NCOR1: variants seen among roughly 807,000 people sequenced by gnomAD.
The protein encoded by NCOR1 is protein phosphatase 1, regulatory subunit 109.
Under a neutral mutation model 288.1 loss-of-function variants are expected in NCOR1, and 63 were observed. The ratio of observed to expected loss-of-function variants is 0.22; its 90% confidence interval spans 0.18 to 0.27. NCOR1 has a LOEUF of 0.27. Among genes scored for constraint, NCOR1 ranks in the 10% least tolerant of loss-of-function variants. The pLI, the probability that NCOR1 is intolerant of heterozygous loss-of-function variation, is 1.00. For synonymous variants in NCOR1, 1,007 were observed against 1,065.9 expected (o/e 0.94, Z 1.08); for missense variants, 2,397 against 3,019.2 (o/e 0.79, Z 4.83).
At position 16,144,253 on chromosome 17, in the gene NCOR1, C is replaced by T. The variant is rs117704281; in HGVS notation, c.1083-557G>A. 7.6e-3 allele frequency among the ~76,000 whole-genome samples: 1,154 copies of T among 152,170 alleles called. 19 individuals carry two copies. The highest frequency in any genetic ancestry group is 0.05 in the East Asian group (257 of 5,188). The stretch of plus-strand genomic sequence containing the variant: ...GAATATAGTTTGAATATGTTGGTAA[C>T]GAAGGACTAAAGGATATTTAGGTCT... On this transcript the variant is annotated intron_variant, in intron 10 of 45. Coordinates refer to ENST00000268712, the MANE Select transcript of NCOR1 (RefSeq NM_006311.4).
At chr17:16,112,647 C>T (rs945458374) in intron 18 of NCOR1, among the ~76,000 whole-genome samples, 1 of 152,114 alleles carries the variant, frequency 6.6e-6, no homozygotes, top group African/African-American at 2.4e-5. Context: ...CACACCATCA[C>T]ACCCAGCTAA....
rs574796350 is a variant in NCOR1, at chr17:16,120,345, T to C, written c.1852+707A>G. Among the ~76,000 whole-genome samples, 4 of 152,222 alleles carry C rather than the reference T, an allele frequency of 2.6e-5. 1 individual carries two copies. In the South Asian group the frequency reaches 8.3e-4, roughly 32 times the overall value. On this transcript the variant is annotated intron_variant, in intron 16 of 45. Coordinates refer to ENST00000268712, the MANE Select transcript of NCOR1 (RefSeq NM_006311.4). ...TAAAAACCTCTGCAAGTTCCCCACT[T>C]CATAATCAAAGCAAAATACATTTCA...
rs1438772434 is a variant in NCOR1 at position 16,100,199 on chromosome 17, T to C, written c.2690+1051A>G. ...AAATTATAAGTGATTCAATGTCTTT[T>C]AAGGAAAAGGAAACACCAGGAAATA... On this transcript the variant is annotated intron_variant, in intron 20 of 45. Coordinates refer to ENST00000268712, the MANE Select transcript of NCOR1 (RefSeq NM_006311.4). Among the ~76,000 whole-genome samples, 4 of 152,296 alleles carry C rather than the reference T, an allele frequency of 2.6e-5. No individual in the cohort carries two copies. In the East Asian group the frequency reaches 7.7e-4, roughly 29 times the overall value.
chr17:16,208,206 ATTT>A (rs757019446), intron 1 of NCOR1, among the ~76,000 whole-genome samples: 16 of 65,524 alleles, frequency 2.4e-4, no homozygotes, highest in African/African-American at 9.8e-4. Context: ...ATGCCCAGCT[ATTT>A]TTTTTTTTTT....
intron 9 of NCOR1, among the ~76,000 whole-genome samples, chr17:16,148,645 A>G (rs2078357337): frequency 9.3e-6 from 1 of 107,728 alleles, no homozygotes; most frequent in Non-Finnish European, 1.8e-5. Flanking sequence ...TTCTTACTTG[A>G]TATTTATATG....
intron 5 of NCOR1, among the ~76,000 whole-genome samples, chr17:16,162,996 C>G (rs139553371): frequency 0.011 from 1,653 of 151,896 alleles, 35 homozygotes; most frequent in African/African-American, 0.037. Flanking sequence ...TCATATAAAA[C>G]CTAAACAAAT....
At chr17:16,044,168 C>CAAA (rs34691717) in intron 42 of NCOR1, among the ~76,000 whole-genome samples, 49 of 82,704 alleles carry the variant, frequency 5.9e-4, no homozygotes, top group South Asian at 1.0e-3. Context: ...GACTCCATCT[C>CAAA]AAAAAAAAAA....
At chr17:16,183,661 A>C (rs1421557933) in intron 3 of NCOR1, among the ~76,000 whole-genome samples, 1 of 152,180 alleles carries the variant, frequency 6.6e-6, no homozygotes, top group Non-Finnish European at 1.5e-5. Context: ...CACACAACCC[A>C]AAGAAATATA....
intron 42 of NCOR1, among the ~76,000 whole-genome samples, chr17:16,044,094 G>A (rs370863706): frequency 4.2e-4 from 63 of 151,472 alleles, no homozygotes; most frequent in East Asian, 3.1e-3. Context: ...ACTTGAACCC[G>A]GGAGGCGGAG....
chr17:16,145,604 G>T (rs144618741), intron 10 of NCOR1, among the ~76,000 whole-genome samples: 8 of 151,398 alleles, frequency 5.3e-5, no homozygotes, highest in African/African-American at 1.7e-4. Context: ...TCTGAGACGT[G>T]AGGAGCCCCT....
chr17:16,211,728 G>C (rs1314422650), intron 1 of NCOR1, among the ~76,000 whole-genome samples: 1 of 151,844 alleles, frequency 6.6e-6, no homozygotes, highest in African/African-American at 2.4e-5. Context: ...GTAATATTTT[G>C]ACCACACAAG....
intron 4 of NCOR1, among the ~76,000 whole-genome samples, chr17:16,168,708 C>T (rs1385069846): frequency 6.6e-6 from 1 of 151,988 alleles, no homozygotes; most frequent in South Asian, 2.1e-4. Flanking sequence ...CAGTGGCTCA[C>T]GCCTATAATC....
Position 16,071,547 on chromosome 17 carries a change from A to G in NCOR1, c.4014T>C (p.Tyr1338=). ...FEGAITKGKP[Y]DGITTIKEMG... ...TTTCTTTGATGGTGGTGATGCCATC[A>G]TATGGTTTTCCTTTGGTAATGGCAC... is the stretch of plus-strand genomic sequence containing the variant. Residue 1338 remains tyrosine, a synonymous_variant, in exon 30 of 46, where the codon TAT becomes TAC. Coordinates refer to ENST00000268712, the MANE Select transcript of NCOR1 (RefSeq NM_006311.4). 1 of 1,614,098 alleles carries G rather than the reference A, an allele frequency of 6.2e-7. No individual in the cohort carries two copies. Among genetic ancestry groups the G allele is most frequent in the Non-Finnish European group, 8.5e-7 (1 of 1,180,020 alleles).
At chr17:16,127,123 CTG>C (rs1186932769) in intron 14 of NCOR1, among the ~76,000 whole-genome samples, 3 of 125,474 alleles carry the variant, frequency 2.4e-5, no homozygotes, top group African/African-American at 1.1e-4. Flanking sequence ...ATGTATATAT[CTG>C]TATGTATATA....
rs958757838 is a variant in NCOR1 at position 16,154,218 on chromosome 17, GA to G, written c.733-824del. On this transcript the variant is annotated intron_variant, in intron 6 of 45. Coordinates refer to ENST00000268712, the MANE Select transcript of NCOR1 (RefSeq NM_006311.4). ...CTATTTTCAAAAGTAAAATAATCCA[GA>G]CCAAAGTGTTACCTAGCAAAAATCT... 2.4e-4 allele frequency among the ~76,000 whole-genome samples: 36 copies of G among 151,870 alleles called. 1 individual carries two copies. The highest frequency in any genetic ancestry group is 7.2e-4 in the African/African-American group (30 of 41,438).
chr17:16,182,828 C>T (rs1162899211), intron 3 of NCOR1, among the ~76,000 whole-genome samples: 2 of 150,604 alleles, frequency 1.3e-5, no homozygotes, highest in African/African-American at 4.9e-5. Context: ...AACATATTAG[C>T]AAAAAATTTT....
chr17:16,146,236 A>G, intron 10 of NCOR1, 140 bp downstream of exon 10: 1 of 696,098 alleles, frequency 1.4e-6, no homozygotes, highest in East Asian at 3.0e-5. Flanking sequence ...TCCCTCCACT[A>G]TTGTCCTATG....
intron 1 of NCOR1, among the ~76,000 whole-genome samples, chr17:16,199,204 G>GGAAA (rs1555813514): frequency 2.0e-5 from 2 of 99,858 alleles, no homozygotes; most frequent in Non-Finnish European, 4.1e-5. Context: ...AATACAGAAG[G>GGAAA]AAAAAAAAAA....
chr17:16,117,789 T>A, intron 18 of NCOR1, 99 bp downstream of exon 18: 1 of 1,339,202 alleles, frequency 7.5e-7, no homozygotes, highest in Non-Finnish European at 1.0e-6. Flanking sequence ...ACTGCTGCAC[T>A]CTAGCCTGGG....
Sources: allele counts gnomAD v4.1 joint callset (sites outside exome capture counted in the v4.1 genomes callset), GRCh38; gene constraint gnomAD v4.1.1; transcripts MANE v1.5; gene names NCBI Gene and HGNC (gene_info 2026-07-23, HGNC 2026-07-21).